The following SLCO1B1 variants were observed in gnomAD, a reference collection of about 807,000 sequenced individuals.
SLCO1B1 encodes the protein OATP-2.
In SLCO1B1, 81 loss-of-function variants were observed where a neutral mutation model predicts 70.1. The observed-to-expected ratio is 1.16, with a 90% CI of 0.97 to 1.39. The LOEUF (loss-of-function observed/expected upper bound fraction) is 1.39, where lower values mean the gene tolerates loss of function less well. Among genes scored for constraint, SLCO1B1 ranks in the 40% most tolerant of loss-of-function variants. The pLI is 0.00. For missense variants in SLCO1B1, 895 were observed against 799.6 expected, an observed-to-expected ratio of 1.12 and a Z score of -1.44; for synonymous variants, 283 against 271.5, an observed-to-expected ratio of 1.04 and a Z score of -0.42.
At chr12:21,189,201 C>G (rs548845914) in intron 7 of SLCO1B1, among the ~76,000 whole-genome samples, 2 of 152,240 alleles carry the variant, frequency 1.3e-5, no homozygotes, top group Non-Finnish European at 2.9e-5. Flanking sequence ...ACCTTTTATA[C>G]TGGCTGTACC....
chr12:21,216,578 C>A lies in SLCO1B1; in HGVS notation c.1498-541C>A, dbSNP rs182984852. 7.2e-4 allele frequency among the ~76,000 whole-genome samples: 109 copies of A among 152,164 alleles called. 1 individual carries two copies. The East Asian group carries it at 0.016, about 23-fold the overall frequency. ...GTAATAATATCATCTGTCATTGTAT[C>A]CTTGGATTTTGTTTATGCCTGCTAA... On this transcript the variant is annotated intron_variant, in intron 11 of 14. Transcript: ENST00000256958.
chr12:21,217,121 G>C lies in SLCO1B1; in HGVS notation c.1500G>C (p.Val500=). The part of the protein sequence containing the change: ...KSSSGNKKPI[V]FYNCSCLEVT... ...ATATTTTATACACAACGCTTAAGGT[G>C]TTTTACAACTGCAGTTGTTTGGAAG... The change falls in exon 12 of 15, where the codon GTG becomes GTC. Residue 500 remains valine, a splice_region_variant and synonymous_variant. Transcript: ENST00000256958. The C allele has an allele frequency of 6.2e-7, 1 of 1,612,500 alleles. No homozygotes were observed. Among genetic ancestry groups the C allele is most frequent in the Middle Eastern group, 1.8e-4 (1 of 5,546 alleles).
At chr12:21,218,852 A>T (rs1941391096) in intron 12 of SLCO1B1, among the ~76,000 whole-genome samples, 1 of 152,186 alleles carries the variant, frequency 6.6e-6, no homozygotes, top group Non-Finnish European at 1.5e-5. Context: ...CTAGCCTTTG[A>T]TTTTATTGAA....
intron 14 of SLCO1B1, among the ~76,000 whole-genome samples, chr12:21,231,750 G>A (rs561842574): frequency 1.2e-4 from 18 of 151,792 alleles, no homozygotes; most frequent in Middle Eastern, 3.4e-3. Context: ...ACACACAAAC[G>A]TATATGTGTG....
intron 12 of SLCO1B1, among the ~76,000 whole-genome samples, chr12:21,220,646 T>C (rs1242666660): frequency 6.6e-6 from 1 of 151,878 alleles, no homozygotes; most frequent in African/African-American, 2.4e-5. Flanking sequence ...TGAGAAAAAC[T>C]AGGAAAGAGC....
At chr12:21,136,784 C>T (rs1276867231) in intron 1 of SLCO1B1, among the ~76,000 whole-genome samples, 1 of 152,102 alleles carries the variant, frequency 6.6e-6, no homozygotes, top group Non-Finnish European at 1.5e-5. Context: ...GAATTTCCAC[C>T]TGTAGCTCAG....
At chr12:21,233,571 C>CAAAAAAAAAAA (rs60313934) in intron 14 of SLCO1B1, among the ~76,000 whole-genome samples, 1 of 137,618 alleles carries the variant, frequency 7.3e-6, no homozygotes, top group Non-Finnish European at 1.6e-5. Flanking sequence ...AACAAACAAA[C>CAAAAAAAAAAA]AAAAAAAAAA....
At chr12:21,209,838 T>C (rs1466403344) in intron 11 of SLCO1B1, among the ~76,000 whole-genome samples, 2 of 152,136 alleles carry the variant, frequency 1.3e-5, no homozygotes, top group Non-Finnish European at 2.9e-5. Flanking sequence ...CATGTGTTTT[T>C]TGGCTGCATA....
At chr12:21,195,199 G>C (rs181823004) in intron 7 of SLCO1B1, among the ~76,000 whole-genome samples, 13 of 152,312 alleles carry the variant, frequency 8.5e-5, no homozygotes, top group Admixed American at 7.8e-4. Context: ...AACCCCAGCA[G>C]AGCGTCTGTG....
At chr12:21,176,068 A>G (rs574044579) in intron 4 of SLCO1B1, among the ~76,000 whole-genome samples, 1 of 152,162 alleles carries the variant, frequency 6.6e-6, no homozygotes, top group East Asian at 1.9e-4. Context: ...GCAACCTCCA[A>G]GCAAAGTTGA....
intron 12 of SLCO1B1, among the ~76,000 whole-genome samples, chr12:21,219,096 G>T (rs191531773): frequency 6.6e-6 from 1 of 152,190 alleles, no homozygotes; most frequent in Non-Finnish European, 1.5e-5. Flanking sequence ...GGTGGGGAAT[G>T]AAGGAATGAA....
chr12:21,196,811 T>C (rs1941096988), intron 7 of SLCO1B1, 135 bp from the exon 8 acceptor site: 4 of 838,830 alleles, frequency 4.8e-6, no homozygotes, highest in Non-Finnish European at 1.9e-6. Flanking sequence ...GTCTCAGAGA[T>C]GACAAAAAAT....
chr12:21,146,293 G>A (rs1940381776), intron 2 of SLCO1B1, among the ~76,000 whole-genome samples: 1 of 151,880 alleles, frequency 6.6e-6, no homozygotes, highest in Admixed American at 6.6e-5. Flanking sequence ...CTGTAGTTAT[G>A]TCCCCGCCTT....
At chr12:21,159,978 A>G (rs932072461) in intron 2 of SLCO1B1, among the ~76,000 whole-genome samples, 1 of 151,954 alleles carries the variant, frequency 6.6e-6, no homozygotes, top group Non-Finnish European at 1.5e-5. Flanking sequence ...TAGAGATGAA[A>G]CAAACAAAGA....
intron 1 of SLCO1B1, among the ~76,000 whole-genome samples, chr12:21,131,782 AT>A (rs1381280897): frequency 2.0e-5 from 3 of 152,038 alleles, no homozygotes; most frequent in Non-Finnish European, 2.9e-5. Context: ...TTTCTAGATA[AT>A]TTATCTCCAA....
intron 14 of SLCO1B1, among the ~76,000 whole-genome samples, chr12:21,233,289 T>C (rs1162996329): frequency 1.3e-5 from 2 of 152,114 alleles, no homozygotes; most frequent in African/African-American, 4.8e-5. Context: ...TTTTCTGAGT[T>C]AGGTGTCCTA....
intron 12 of SLCO1B1, among the ~76,000 whole-genome samples, chr12:21,219,105 A>C (rs1461300320): frequency 6.6e-6 from 1 of 152,200 alleles, no homozygotes; most frequent in Admixed American, 6.6e-5. Context: ...TGAAGGAATG[A>C]ATGTGTGTAG....
At chr12:21,157,115 TC>T (rs1404898967) in intron 2 of SLCO1B1, among the ~76,000 whole-genome samples, 1 of 152,174 alleles carries the variant, frequency 6.6e-6, no homozygotes, top group African/African-American at 2.4e-5. Flanking sequence ...AAACTACATT[TC>T]TGTGAATTGT....
At chr12:21,217,766 T>C (rs1375487459) in intron 12 of SLCO1B1, among the ~76,000 whole-genome samples, 1 of 152,212 alleles carries the variant, frequency 6.6e-6, no homozygotes, top group Non-Finnish European at 1.5e-5. Context: ...ATGACTTTTA[T>C]AATACCCTTG....
Sources: gnomAD v4.1 joint callset for allele counts (sites outside exome capture counted in the v4.1 genomes callset) on GRCh38, gnomAD v4.1.1 for gene constraint, MANE v1.5 for transcripts, NCBI Gene and HGNC (gene_info 2026-07-23, HGNC 2026-07-21) for gene names.